AIFM1: variants seen among roughly 807,000 people sequenced by gnomAD.
AIFM1 encodes apoptosis-inducing factor 1, mitochondrial.
AIFM1 carries 3 observed loss-of-function variants against 51.7 expected under a neutral mutation model. The observed-to-expected ratio is 0.06, with a 90% CI of 0.03 to 0.15. The LOEUF is 0.15. Among genes scored for constraint, AIFM1 ranks in the 10% least tolerant of loss-of-function variants. AIFM1 has a pLI of 1.00. For missense variants in AIFM1, 330 were observed against 476.8 expected (o/e 0.69, Z 2.87); for synonymous variants, 178 against 179.4 (o/e 0.99, Z 0.06).
At chrX:130,131,513 C>G (rs1344129092) in intron 14 of AIFM1, among the ~76,000 whole-genome samples, 162 bp downstream of exon 14, 1 of 111,777 alleles carries the variant, frequency 8.9e-6, no homozygotes, top group East Asian at 2.8e-4. Flanking sequence ...AATCTCAGAC[C>G]ACTAAAGAGT....
intron 2 of AIFM1, among the ~76,000 whole-genome samples, chrX:130,152,950 CTTTG>C (rs1424881379): frequency 2.7e-5 from 3 of 110,967 alleles, no homozygotes; most frequent in African/African-American, 9.8e-5. Flanking sequence ...GTTTTTGAAG[CTTTG>C]TTTCTTTTTA....
At chrX:130,160,975 AT>A (rs771503202) in intron 1 of AIFM1, among the ~76,000 whole-genome samples, 2 of 111,881 alleles carry the variant, frequency 1.8e-5, no homozygotes, top group East Asian at 5.6e-4. Context: ...GATTCCATTT[AT>A]TTTAGGTTGC....
chrX:130,155,280 T>C (rs2031127501), intron 2 of AIFM1: 2 of 1,209,986 alleles, frequency 1.7e-6, no homozygotes, highest in African/African-American at 3.5e-5. Flanking sequence ...GTGATGAGAC[T>C]GCACAACTGT....
intron 13 of AIFM1, 42 bp from the exon 14 acceptor site, chrX:130,131,841 G>A: frequency 2.5e-6 from 3 of 1,200,705 alleles, no homozygotes; most frequent in Non-Finnish European, 3.4e-6. Context: ...GGACTGTAAG[G>A]AATGACACGG....
Position 130,139,822 on chromosome X carries a change from C to T in AIFM1, c.831G>A (p.Val277=). Residue 277 remains valine (V), a synonymous_variant, in exon 8 of 16, where the codon GTG becomes GTA. Transcript: ENST00000287295. ...TTCTGAAAAGCGTTGTTCTACTCTTCACCTCTGCTCCAGCCCTATCAATGG... is the reference window on the plus strand; with the variant it reads ...TTCTGAAAAGCGTTGTTCTACTCTTTACCTCTGCTCCAGCCCTATCAATGG... The part of the protein sequence containing the change: ...LSAIDRAGAE[V]KSRTTLFRKI... 1 of 1,211,182 alleles carries T rather than the reference C, an allele frequency of 8.3e-7. No homozygotes were observed.
At chrX:130,135,288 T>C (rs2124650740) in intron 12 of AIFM1, among the ~76,000 whole-genome samples, 1 of 109,606 alleles carries the variant, frequency 9.1e-6, no homozygotes, top group East Asian at 2.9e-4. Flanking sequence ...GGTTTCACCA[T>C]GTTAGCCAGG....
intron 2 of AIFM1, among the ~76,000 whole-genome samples, chrX:130,154,867 G>A (rs923162977): frequency 5.3e-5 from 6 of 112,160 alleles, no homozygotes; most frequent in African/African-American, 1.9e-4. Context: ...AATATAATTT[G>A]GTATCATACA....
intron 1 of AIFM1, among the ~76,000 whole-genome samples, chrX:130,157,734 AGGTGG>A (rs1210162363): frequency 9.1e-6 from 1 of 110,396 alleles, no homozygotes; most frequent in Non-Finnish European, 1.9e-5. Context: ...TGGGAGGCCT[AGGTGG>A]GCAGATCACG....
intron 9 of AIFM1, chrX:130,138,040 C>G: frequency 1.2e-5 from 1 of 83,440 alleles, no homozygotes; most frequent in South Asian, 5.3e-4. Context: ...CCAGCCTGGG[C>G]AACAAGAGTG....
Position 130,136,054 on chromosome X carries a change from G to A in AIFM1, c.1296C>T (p.Asn432=), listed in dbSNP as rs1347179963. Residue 432 remains asparagine, a synonymous_variant, in exon 12 of 16, where the codon AAC becomes AAT. Coordinates refer to ENST00000287295, the MANE Select transcript of AIFM1 (RefSeq NM_004208.4). ...GCTGTAGCACACTTACCACCCAGAT[G>A]TTAGAGCGTGCTTGTAGCTCTGCAT... is the stretch of plus-strand genomic sequence containing the variant. ...RVNAELQARS[N]IWVAGDAACF... 2 of 1,209,991 alleles carry A rather than the reference G, an allele frequency of 1.7e-6. No homozygotes were observed. The highest frequency in any genetic ancestry group is 2.2e-6 in the Non-Finnish European group (2 of 895,188).
chrX:130,132,303 C>T (rs753075036), intron 13 of AIFM1, among the ~76,000 whole-genome samples: 1 of 112,291 alleles, frequency 8.9e-6, no homozygotes, highest in South Asian at 3.7e-4. Flanking sequence ...TTTGACTTTT[C>T]CTTAAAAAGC....
At chrX:130,149,401 C>T in intron 3 of AIFM1, 68 bp downstream of exon 3, 2 of 913,467 alleles carry the variant, frequency 2.2e-6, no homozygotes, top group Non-Finnish European at 3.2e-6. Flanking sequence ...TAAATCACAG[C>T]ACCCAAACTG....
chrX:130,140,352 C>G (rs980333014), intron 7 of AIFM1, among the ~76,000 whole-genome samples, 181 bp downstream of exon 7: 2 of 112,255 alleles, frequency 1.8e-5, no homozygotes, highest in African/African-American at 6.5e-5. Flanking sequence ...AAGGATCATC[C>G]AGAAGGGCTG....
intron 1 of AIFM1, among the ~76,000 whole-genome samples, chrX:130,157,832 G>A (rs979232109): frequency 4.6e-5 from 5 of 109,047 alleles, no homozygotes; most frequent in African/African-American, 1.7e-4. Context: ...GGGCATGCTT[G>A]TAGTCCCAGC....
chrX:130,129,750 T>C, intron 15 of AIFM1, 122 bp from the exon 16 acceptor site: 6 of 785,576 alleles, frequency 7.6e-6, no homozygotes, highest in Non-Finnish European at 9.7e-6. Flanking sequence ...TGGGAACAGT[T>C]CTCTACTAAC....
intron 1 of AIFM1, among the ~76,000 whole-genome samples, chrX:130,162,308 C>T (rs1221446189): frequency 9.0e-6 from 1 of 111,661 alleles, no homozygotes; most frequent in Non-Finnish European, 1.9e-5. Flanking sequence ...GGGGAAGAGT[C>T]ACTACTCATC....
At chrX:130,159,889 C>T (rs961564935) in intron 1 of AIFM1, among the ~76,000 whole-genome samples, 1 of 108,699 alleles carries the variant, frequency 9.2e-6, no homozygotes, top group Non-Finnish European at 1.9e-5. Context: ...GGCACAATCT[C>T]GGCTCACTGC....
chrX:130,147,684 A>G, intron 4 of AIFM1, 61 bp from the exon 5 acceptor site: 10 of 1,211,583 alleles, frequency 8.3e-6, no homozygotes, highest in Admixed American at 2.2e-5. Flanking sequence ...CAAATGTCAA[A>G]GCATTCACAT....
chrX:130,141,383 G>A (rs1037763753), intron 6 of AIFM1, among the ~76,000 whole-genome samples: 1 of 111,699 alleles, frequency 9.0e-6, no homozygotes, highest in African/African-American at 3.3e-5. Flanking sequence ...TGTGGAAAAG[G>A]AGAATCGGAA....
Sources: allele counts gnomAD v4.1 joint callset (sites outside exome capture counted in the v4.1 genomes callset), GRCh38; gene constraint gnomAD v4.1.1; transcripts MANE v1.5; gene names NCBI Gene and HGNC (gene_info 2026-07-23, HGNC 2026-07-21).